The following CSMD1 variants were observed in gnomAD, a reference collection of about 807,000 sequenced individuals.
CSMD1 encodes the protein CUB and sushi domain-containing protein 1.
In CSMD1, 213 loss-of-function variants were observed where a neutral mutation model predicts 417.5. The ratio of observed to expected loss-of-function variants is 0.51; its 90% CI spans 0.46 to 0.57. CSMD1 has a LOEUF of 0.57. Among genes scored for constraint, CSMD1 ranks in the 20% least tolerant of loss-of-function variants. The pLI is 0.00. For missense variants in CSMD1, 6,923 were observed against 4,529.7 expected, an observed-to-expected ratio of 1.53 and a Z score of -15.17; for synonymous variants, 2,862 against 1,736.8, an observed-to-expected ratio of 1.65 and a Z score of -16.11.
At chr8:3,666,054 C>A (rs1034942290) in intron 7 of CSMD1, among the ~76,000 whole-genome samples, 1 of 152,152 alleles carries the variant, frequency 6.6e-6, no homozygotes, top group Admixed American at 6.5e-5. Flanking sequence ...CAACACCACA[C>A]CTGGCTAATT....
chr8:3,425,901 C>G (rs921791059), intron 12 of CSMD1, among the ~76,000 whole-genome samples: 10 of 152,060 alleles, frequency 6.6e-5, no homozygotes, highest in African/African-American at 2.2e-4. Context: ...TCTACCATCT[C>G]TAAAAGGTGA....
At chr8:3,808,371 C>G (rs920312229) in intron 5 of CSMD1, among the ~76,000 whole-genome samples, 10 of 152,042 alleles carry the variant, frequency 6.6e-5, no homozygotes, top group African/African-American at 2.4e-4. Context: ...ATTCAAAGGA[C>G]TGACTGTGAT....
At chr8:4,942,799 C>A (rs1808099296) in intron 1 of CSMD1, among the ~76,000 whole-genome samples, 1 of 152,218 alleles carries the variant, frequency 6.6e-6, no homozygotes. Flanking sequence ...TTGGAAACTG[C>A]AACTTAAATG....
intron 53 of CSMD1, 25 bp from the exon 54 acceptor site, chr8:2,998,209 T>C (rs376011274): frequency 2.0e-5 from 32 of 1,609,792 alleles, no homozygotes; most frequent in Admixed American, 1.8e-4. Context: ...GTCAACGTCA[T>C]TGTTAAATAT....
chr8:4,916,681 G>A (rs1806087483), intron 1 of CSMD1, among the ~76,000 whole-genome samples: 1 of 152,166 alleles, frequency 6.6e-6, no homozygotes, highest in Non-Finnish European at 1.5e-5. Flanking sequence ...TTTTTTTACA[G>A]CTGATTTTAT....
chr8:4,570,625 C>T (rs920917661), intron 2 of CSMD1, among the ~76,000 whole-genome samples: 3 of 152,246 alleles, frequency 2.0e-5, no homozygotes, highest in Middle Eastern at 6.8e-3. Context: ...GTGTCTCTGC[C>T]AGGTTTTGGT....
intron 2 of CSMD1, among the ~76,000 whole-genome samples, chr8:4,420,464 C>T (rs1797185335): frequency 6.6e-6 from 1 of 151,966 alleles, no homozygotes; most frequent in Non-Finnish European, 1.5e-5. Flanking sequence ...TTTGCTGCAC[C>T]TCTCAACCCA....
intron 2 of CSMD1, among the ~76,000 whole-genome samples, chr8:4,463,324 T>C (rs983180776): frequency 6.6e-6 from 1 of 152,220 alleles, no homozygotes; most frequent in Non-Finnish European, 1.5e-5. Context: ...TTCACTTCCC[T>C]ATGGCTGGTG....
chr8:3,529,811 T>C (rs34763845), intron 10 of CSMD1, among the ~76,000 whole-genome samples: 4,950 of 152,238 alleles, frequency 0.033, 278 homozygotes, highest in African/African-American at 0.11. Context: ...CCTGGAATTT[T>C]CCCACTCTCA....
intron 5 of CSMD1, among the ~76,000 whole-genome samples, chr8:3,798,917 G>A (rs1800309683): frequency 6.6e-6 from 1 of 151,930 alleles, no homozygotes; most frequent in Non-Finnish European, 1.5e-5. Flanking sequence ...GAAATGTGGA[G>A]TCAAGCTAAA....
chr8:4,012,983 TAAC>T (rs1796347418), intron 4 of CSMD1, among the ~76,000 whole-genome samples: 1 of 152,168 alleles, frequency 6.6e-6, no homozygotes, highest in South Asian at 2.1e-4. Context: ...ATCTCTCAAG[TAAC>T]AACACCTCTC....
At chr8:3,700,398 A>G (rs1322212013) in intron 7 of CSMD1, 2 of 152,210 alleles carry the variant, frequency 1.3e-5, no homozygotes, top group African/African-American at 2.4e-5. Context: ...TCAAATAAAC[A>G]TACACGTATA....
chr8:4,328,205 C>G (rs1799664999), intron 3 of CSMD1, among the ~76,000 whole-genome samples: 1 of 150,860 alleles, frequency 6.6e-6, no homozygotes, highest in African/African-American at 2.4e-5. Context: ...GTATTTGACC[C>G]AAATTCTACA....
chr8:4,507,794 C>A (rs372568719), intron 2 of CSMD1, among the ~76,000 whole-genome samples: 4 of 152,062 alleles, frequency 2.6e-5, no homozygotes, highest in African/African-American at 7.2e-5. Context: ...GAAACAGAAG[C>A]TTTATATGAG....
At chr8:3,558,872 C>A (rs1048806302) in intron 10 of CSMD1, among the ~76,000 whole-genome samples, 2 of 152,254 alleles carry the variant, frequency 1.3e-5, no homozygotes, top group African/African-American at 2.4e-5. Flanking sequence ...GTTCACCTGC[C>A]GCCCTGTAGT....
chr8:4,147,307 G>A (rs1317073957), intron 3 of CSMD1, among the ~76,000 whole-genome samples: 1 of 152,088 alleles, frequency 6.6e-6, no homozygotes, highest in Non-Finnish European at 1.5e-5. Flanking sequence ...AGCGGGGAAG[G>A]GGAAGCCTTC....
At chr8:3,184,534 C>A (rs1310319496) in intron 36 of CSMD1, among the ~76,000 whole-genome samples, 2 of 152,240 alleles carry the variant, frequency 1.3e-5, no homozygotes, top group South Asian at 2.1e-4. Flanking sequence ...TAGCCATCAA[C>A]TGAGCTTCAG....
chr8:3,686,403 C>T (rs923399336), intron 7 of CSMD1, among the ~76,000 whole-genome samples: 7 of 152,102 alleles, frequency 4.6e-5, no homozygotes, highest in Non-Finnish European at 1.0e-4. Context: ...AGAGTTGCAT[C>T]CTGCGTGACT....
intron 3 of CSMD1, among the ~76,000 whole-genome samples, chr8:4,130,360 G>C (rs529284975): frequency 6.6e-6 from 1 of 152,220 alleles, no homozygotes; most frequent in South Asian, 2.1e-4. Flanking sequence ...AATGGAAGTG[G>C]AATTTGATCC....
Sources: allele counts gnomAD v4.1 joint callset (sites outside exome capture counted in the v4.1 genomes callset), GRCh38; gene constraint gnomAD v4.1.1; transcripts MANE v1.5; gene names NCBI Gene and HGNC (gene_info 2026-07-23, HGNC 2026-07-21).